PIGK: variants seen among roughly 807,000 people sequenced by gnomAD.
PIGK encodes phosphatidylinositol glycan anchor biosynthesis class K, also known as GPI-anchor transamidase.
Under a neutral mutation model 50.6 loss-of-function variants are expected in PIGK, and 42 were observed. The observed-to-expected ratio is 0.83, with a 90% CI of 0.65 to 1.07. The LOEUF is 1.07. Ranked by LOEUF, PIGK falls within the 50% of genes least tolerant of loss-of-function variation. The probability of loss-of-function intolerance (pLI) is 0.00; values close to 1 mark genes in which losing one functional copy is unlikely to be tolerated. For missense variants in PIGK, 448 were observed against 488.7 expected (o/e 0.92, Z 0.78); for synonymous variants, 151 against 156.0 (o/e 0.97, Z 0.24).
chr1:77,113,146 T>C (rs539688275), intron 10 of PIGK, among the ~76,000 whole-genome samples: 1 of 152,130 alleles, frequency 6.6e-6, no homozygotes, highest in South Asian at 2.1e-4. Context: ...ATATTTAATG[T>C]CTTTAATATT....
chr1:77,158,860 A>G (rs1262330794), intron 8 of PIGK, among the ~76,000 whole-genome samples: 1 of 152,188 alleles, frequency 6.6e-6, no homozygotes, highest in Non-Finnish European at 1.5e-5. Flanking sequence ...GCAGAGCATA[A>G]AAGTTCAGAA....
At chr1:77,211,321 T>G (rs1557433509) in intron 1 of PIGK, among the ~76,000 whole-genome samples, 1 of 151,740 alleles carries the variant, frequency 6.6e-6, no homozygotes, top group Non-Finnish European at 1.5e-5. Flanking sequence ...AAATCAAGAG[T>G]CATCTATGGA....
At chr1:77,135,078 A>T (rs1654469137) in intron 9 of PIGK, among the ~76,000 whole-genome samples, 2 of 152,132 alleles carry the variant, frequency 1.3e-5, no homozygotes, top group African/African-American at 4.8e-5. Flanking sequence ...GGTCTTAAAG[A>T]GAATGCTTAT....
chr1:77,219,381 T>A lies in PIGK; in HGVS notation c.22A>T (p.Ser8Cys). ...GTTGCCAAGACAGTCGCAGCCCGGC[T>A]GAGGCTGTCGGTGACGGCCATGTTT... MAVTDSL[S>C]RAATVLATVL... Residue 8 changes from serine (S) to cysteine (C), a missense_variant, in exon 1 of 11, where the codon AGC (serine) becomes TGC (cysteine). Ser to Cys is a moderately radical substitution (Grantham distance 112). Transcript: ENST00000370812. 6.2e-7 allele frequency: 1 copy of A among 1,613,652 alleles called. No homozygotes were observed. Among genetic ancestry groups the A allele is most frequent in the Non-Finnish European group, 8.5e-7 (1 of 1,179,774 alleles).
chr1:77,109,580 A>C (rs990299208), intron 10 of PIGK, among the ~76,000 whole-genome samples: 15 of 152,114 alleles, frequency 9.9e-5, no homozygotes, highest in East Asian at 9.6e-4. Context: ...TAAAAACTCT[A>C]CATAAATTAG....
chr1:77,164,991 A>C (rs1655204111), intron 5 of PIGK, among the ~76,000 whole-genome samples: 1 of 152,148 alleles, frequency 6.6e-6, no homozygotes, highest in Admixed American at 6.5e-5. Context: ...TTGGCTTGTG[A>C]GCCATATTGT....
chr1:77,164,625 C>G (rs2100557706), intron 5 of PIGK, among the ~76,000 whole-genome samples: 1 of 152,036 alleles, frequency 6.6e-6, no homozygotes, highest in Non-Finnish European at 1.5e-5. Context: ...GTTGACTATG[C>G]CTTTGTGGGA....
rs111336369 is a variant in PIGK at position 77,219,210 on chromosome 1, A to G, written c.93+100T>C. The G allele has an allele frequency of 3.2e-3, 2,995 of 945,704 alleles. 60 individuals carry two copies. The African/African-American group carries it at 0.043, about 14-fold the overall frequency. 58.6% of individuals were successfully genotyped at this position (945,704 alleles called of 1,614,324 possible). On this transcript the variant is annotated intron_variant, in intron 1 of 10. Coordinates refer to ENST00000370812, the MANE Select transcript of PIGK (RefSeq NM_005482.3). ...CAAACCCAGCCTGGGTCAGGGGCTG[A>G]TTGACTCCAGGAGGCGTCCCTCAGC...
At chr1:77,096,336 C>T (rs1331496954) in intron 10 of PIGK, among the ~76,000 whole-genome samples, 1 of 152,130 alleles carries the variant, frequency 6.6e-6, no homozygotes, top group African/African-American at 2.4e-5. Context: ...ATACCCTCTG[C>T]AACGTGACTT....
intron 3 of PIGK, among the ~76,000 whole-genome samples, chr1:77,188,397 A>C (rs1557818529): frequency 6.6e-6 from 1 of 151,710 alleles, no homozygotes; most frequent in Non-Finnish European, 1.5e-5. Flanking sequence ...CTCCCATAGC[A>C]CTCCCAGGCT....
intron 3 of PIGK, among the ~76,000 whole-genome samples, chr1:77,201,570 G>A (rs1656167280): frequency 6.6e-6 from 1 of 151,998 alleles, no homozygotes; most frequent in African/African-American, 2.4e-5. Flanking sequence ...GACCAGCCTG[G>A]CCAACGTGGC....
chr1:77,113,455 C>G (rs1653898414), intron 10 of PIGK, among the ~76,000 whole-genome samples: 1 of 151,948 alleles, frequency 6.6e-6, no homozygotes, highest in Non-Finnish European at 1.5e-5. Context: ...TTGTATGTAG[C>G]TAATTCTTAA....
At chr1:77,158,716 A>T (rs942032190) in intron 8 of PIGK, among the ~76,000 whole-genome samples, 1 of 152,144 alleles carries the variant, frequency 6.6e-6, no homozygotes, top group Non-Finnish European at 1.5e-5. Flanking sequence ...GAGGGAGATG[A>T]TTTAGGGTAT....
At chr1:77,107,719 A>C (rs1325890115) in intron 10 of PIGK, among the ~76,000 whole-genome samples, 1 of 152,020 alleles carries the variant, frequency 6.6e-6, no homozygotes, top group African/African-American at 2.4e-5. Context: ...ATTGTGTGGG[A>C]GTCTAAGTCT....
intron 3 of PIGK, among the ~76,000 whole-genome samples, chr1:77,204,249 A>C (rs1221103487): frequency 2.0e-5 from 3 of 152,152 alleles, no homozygotes; most frequent in Non-Finnish European, 4.4e-5. Flanking sequence ...ATACGGTTGC[A>C]GATAAGGGAT....
At chr1:77,212,660 G>A (rs1189243984) in intron 1 of PIGK, among the ~76,000 whole-genome samples, 1 of 152,158 alleles carries the variant, frequency 6.6e-6, no homozygotes, top group African/African-American at 2.4e-5. Flanking sequence ...AGGAGTAGCT[G>A]TACTTAGATC....
chr1:77,164,765 A>C (rs958841542), intron 5 of PIGK, among the ~76,000 whole-genome samples: 3 of 151,914 alleles, frequency 2.0e-5, no homozygotes, highest in African/African-American at 7.3e-5. Context: ...GCACTATACA[A>C]CCCACACAAC....
intron 8 of PIGK, among the ~76,000 whole-genome samples, chr1:77,155,059 T>TAC (rs1486543712): frequency 1.3e-5 from 2 of 152,206 alleles, no homozygotes; most frequent in Non-Finnish European, 2.9e-5. Context: ...AATAAAGTAG[T>TAC]ACATGGAGCC....
chr1:77,203,074 A>G (rs1288689421), intron 3 of PIGK, among the ~76,000 whole-genome samples: 1 of 152,242 alleles, frequency 6.6e-6, no homozygotes. Context: ...TCTAATCATA[A>G]GTAAACCACT....
Sources: allele counts gnomAD v4.1 joint callset (sites outside exome capture counted in the v4.1 genomes callset), GRCh38; gene constraint gnomAD v4.1.1; transcripts MANE v1.5; gene names NCBI Gene and HGNC (gene_info 2026-07-23, HGNC 2026-07-21).